VASH2: variants seen among roughly 807,000 people sequenced by gnomAD.
VASH2 encodes the protein vasohibin 2.
Under a neutral mutation model 37.2 loss-of-function variants are expected in VASH2, and 28 were observed. That is an observed-to-expected ratio of 0.75 (90% CI 0.56 to 1.03). The LOEUF is 1.03. Ranked by LOEUF, VASH2 falls within the 50% of genes least tolerant of loss-of-function variation. The pLI is 0.00. For synonymous variants in VASH2, 188 were observed against 174.7 expected (o/e 1.08, Z -0.60); for missense variants, 419 against 459.1 (o/e 0.91, Z 0.80).
chr1:212,984,938 C>T (rs183972105), intron 7 of VASH2, among the ~76,000 whole-genome samples: 6 of 152,144 alleles, frequency 3.9e-5, no homozygotes, highest in African/African-American at 1.4e-4. Context: ...CACACAGTAA[C>T]CTTCCTCAGG....
chr1:212,970,292 G>C (rs769504310), intron 5 of VASH2, among the ~76,000 whole-genome samples: 22 of 152,122 alleles, frequency 1.4e-4, no homozygotes, highest in Non-Finnish European at 3.1e-4. Flanking sequence ...TTTACCAGTT[G>C]ACATCATGAT....
chr1:212,973,327 A>G, intron 6 of VASH2: 1 of 1,213,562 alleles, frequency 8.2e-7, no homozygotes, highest in South Asian at 1.3e-5. Flanking sequence ...AAAACCTTAT[A>G]TGCTGGCCTT....
At chr1:212,963,777 T>C (rs1558144617) in intron 3 of VASH2, among the ~76,000 whole-genome samples, 1 of 152,208 alleles carries the variant, frequency 6.6e-6, no homozygotes, top group East Asian at 1.9e-4. Context: ...TTTTTTTTTT[T>C]ATTTTACTCT....
At chr1:212,966,106 T>TTAAC (rs1221744377) in intron 4 of VASH2, 165 bp from the exon 5 acceptor site, 1 of 643,358 alleles carries the variant, frequency 1.6e-6, no homozygotes, top group Non-Finnish European at 2.8e-6. Context: ...ACTCCAGGAA[T>TTAAC]TAACTCTTGT....
At chr1:212,984,153 C>T (rs563854096) in intron 7 of VASH2, among the ~76,000 whole-genome samples, 2 of 152,146 alleles carry the variant, frequency 1.3e-5, no homozygotes, top group East Asian at 1.9e-4. Flanking sequence ...GGTGCAAGTG[C>T]GAGGGAAAAG....
At chr1:212,962,808 G>A (rs950059684) in intron 3 of VASH2, among the ~76,000 whole-genome samples, 2 of 152,156 alleles carry the variant, frequency 1.3e-5, no homozygotes, top group African/African-American at 4.8e-5. Flanking sequence ...GCTGTCTGCT[G>A]TTTGTGCTGA....
At position 212,951,775 on chromosome 1, in the gene VASH2, G is replaced by C. The variant is rs767792299; in HGVS notation, c.233G>C (p.Gly78Ala). Residue 78 changes from glycine to alanine, a missense_variant, in exon 2 of 8, where the codon GGA becomes GCA. Gly to Ala is a moderately conservative substitution (Grantham distance 60). This residue lies in a region of VASH2 where 158 missense variants were observed against 163.0 expected (regional missense o/e 0.97). Transcript: ENST00000517399. The surrounding 1 kb of genome is among the most constrained non-coding windows in gnomAD (Gnocchi z 4.4). ...MHVAKVHPKG[G>A]EMVGAIRNAA... ...GTGGCCAAGGTGCACCCTAAGGGGG[G>C]AGAAATGGTGGGCGCCATCAGGAAC... 2 of 1,608,788 alleles carry C rather than the reference G, an allele frequency of 1.2e-6. No individual in the cohort carries two copies. Among genetic ancestry groups the C allele is most frequent in the Non-Finnish European group, 8.5e-7 (1 of 1,178,638 alleles).
chr1:212,972,822 A>C lies in VASH2; in HGVS notation c.740A>C (p.Lys247Thr). 4 of 1,614,226 alleles carry C rather than the reference A, an allele frequency of 2.5e-6. No individual in the cohort carries two copies. The South Asian group carries it at 4.4e-5, about 18-fold the overall frequency. The part of the protein sequence containing the change: ...KKYLHTVKKV[K>T]IGLYVPHEPH... ...TACCTGCACACAGTCAAGAAGGTCA[A>C]GATTGGGCTGTACGTCCCCCATGAG... The change falls in exon 6 of 8, where the codon AAG (lysine) becomes ACG (threonine). Residue 247 changes from lysine (K) to threonine (T), a missense_variant. By Grantham distance (78) the Lys-to-Thr change is moderately conservative. Transcript: ENST00000517399.
At chr1:212,963,961 C>T (rs1434155997) in intron 3 of VASH2, among the ~76,000 whole-genome samples, 1 of 151,928 alleles carries the variant, frequency 6.6e-6, no homozygotes, top group Non-Finnish European at 1.5e-5. Flanking sequence ...GAATATTTAG[C>T]CCTTCATTTT....
At chr1:212,959,890 T>A (rs1419938835) in intron 2 of VASH2, among the ~76,000 whole-genome samples, 1 of 152,352 alleles carries the variant, frequency 6.6e-6, no homozygotes, top group African/African-American at 2.4e-5. Context: ...AGGCCCTTTC[T>A]GCTTCTCCTT....
intron 7 of VASH2, among the ~76,000 whole-genome samples, chr1:212,983,852 G>A (rs548334684): frequency 1.3e-5 from 2 of 152,316 alleles, no homozygotes; most frequent in East Asian, 3.9e-4. Flanking sequence ...CAGAGGAAGG[G>A]TGAAGTTTGC....
In VASH2 at chr1:212,990,758, C is replaced by T. The variant is rs1205848555; in HGVS notation, c.*2174C>T. The T allele has an allele frequency of 6.6e-6, 1 of 152,092 alleles. No individual in the cohort carries two copies. Among genetic ancestry groups the T allele is most frequent in the Non-Finnish European group, 1.5e-5 (1 of 68,004 alleles). The allele number at this position is 152,092 out of a possible 1,614,324, so 9.4% of individuals were successfully genotyped here. On this transcript the variant is annotated 3_prime_UTR_variant, in exon 8 of 8. Transcript: ENST00000517399. ...GCTCCTTGATTTTTAGACTAATTTTCCCAAAGCAAGGTTTAGTCACACAAA... is the reference window on the plus strand; with the variant it reads ...GCTCCTTGATTTTTAGACTAATTTTTCCAAAGCAAGGTTTAGTCACACAAA...
chr1:212,959,795 C>T (rs114190665), intron 2 of VASH2, among the ~76,000 whole-genome samples: 1,584 of 152,344 alleles, frequency 0.01, 27 homozygotes, highest in African/African-American at 0.035. Flanking sequence ...ACCTCCCCAG[C>T]GGAGTCCCCT....
chr1:212,963,355 G>A (rs566793547), intron 3 of VASH2, among the ~76,000 whole-genome samples: 6 of 152,310 alleles, frequency 3.9e-5, no homozygotes, highest in African/African-American at 1.4e-4. Context: ...ACTGCACGAG[G>A]AAGACAGGGC....
chr1:212,950,644 G>C lies in VASH2; in HGVS notation c.-301G>C, dbSNP rs904724271. Reference sequence around the variant, plus strand: ...GCGACGGCCCCAGCAAGCCCCAGCAGCCCCAGCCCCAGCCCCAGGCCCAGC... The same window carrying C: ...GCGACGGCCCCAGCAAGCCCCAGCACCCCCAGCCCCAGCCCCAGGCCCAGC... On this transcript the variant is annotated 5_prime_UTR_variant, in exon 1 of 8. Transcript: ENST00000517399. The surrounding 1 kb of genome is among the most constrained non-coding windows in gnomAD (Gnocchi z 5.5). 6 of 155,796 alleles carry C rather than the reference G, an allele frequency of 3.9e-5. No individual in the cohort carries two copies. Among genetic ancestry groups the C allele is most frequent in the African/African-American group, 1.4e-4 (6 of 41,482 alleles). The allele number at this position is 155,796 out of a possible 1,614,324, so 9.7% of individuals were successfully genotyped here.
intron 6 of VASH2, chr1:212,973,558 A>G (rs1667074612): frequency 4.5e-5 from 57 of 1,279,182 alleles, no homozygotes; most frequent in Non-Finnish European, 5.7e-5. Context: ...ATTCTGTCAT[A>G]TGTGTGGGAT....
At chr1:212,978,085 G>A (rs1331908567) in intron 7 of VASH2, among the ~76,000 whole-genome samples, 2 of 152,206 alleles carry the variant, frequency 1.3e-5, no homozygotes, top group Non-Finnish European at 2.9e-5. Flanking sequence ...TGGAGGTGAA[G>A]TTAGGGGGTC....
At chr1:212,987,003 G>C (rs1667496054) in intron 7 of VASH2, among the ~76,000 whole-genome samples, 1 of 152,032 alleles carries the variant, frequency 6.6e-6, no homozygotes, top group Non-Finnish European at 1.5e-5. Context: ...GGAATGATCA[G>C]ACTGTTGATG....
At chr1:212,980,022 C>T (rs184255082) in intron 7 of VASH2, among the ~76,000 whole-genome samples, 3 of 152,254 alleles carry the variant, frequency 2.0e-5, no homozygotes, top group Admixed American at 2.0e-4. Context: ...GAGGTGGAAG[C>T]GTTTGCTTCT....
Sources: allele counts gnomAD v4.1 joint callset (sites outside exome capture counted in the v4.1 genomes callset), GRCh38; gene constraint gnomAD v4.1.1; regional missense constraint gnomAD v4.1.1; non-coding constraint Gnocchi (gnomAD v3.1); transcripts MANE v1.5; gene names NCBI Gene and HGNC (gene_info 2026-07-23, HGNC 2026-07-21).